The following VWA8 variants were observed in gnomAD, a reference collection of about 807,000 sequenced individuals.
The protein encoded by VWA8 is von Willebrand factor A domain-containing protein 8.
In VWA8, 221 loss-of-function variants were observed where a neutral mutation model predicts 241.5. The observed-to-expected ratio is 0.91, with a 90% CI of 0.82 to 1.02. VWA8 has a LOEUF of 1.02. Among genes scored for constraint, VWA8 ranks in the 50% least tolerant of loss-of-function variants. VWA8 has a pLI of 0.00. For synonymous variants in VWA8, 852 were observed against 827.1 expected, an observed-to-expected ratio of 1.03 and a Z score of -0.52; for missense variants, 2,322 against 2,328.7, an observed-to-expected ratio of 1.00 and a Z score of 0.06.
rs1274895184 is a variant in VWA8 at position 41,778,002 on chromosome 13, A to G, written c.2332T>C (p.Leu778=). The G allele has an allele frequency of 1.9e-6, 3 of 1,611,596 alleles. No individual in the cohort carries two copies. Among genetic ancestry groups the G allele is most frequent in the Non-Finnish European group, 2.5e-6 (3 of 1,179,216 alleles). ...LKDFLLGEHL[L]LVGNQGVGKN... is the part of the protein sequence containing the mutation. ...TAACTCACCTGGTTGCCAACCAATA[A>G]TAAGTGTTCTCCAAGGAGAAAGTCT... Residue 778 remains leucine (L), a synonymous_variant, in exon 20 of 45, where the codon TTA becomes CTA. Coordinates refer to ENST00000379310, the MANE Select transcript of VWA8 (RefSeq NM_015058.2).
intron 16 of VWA8, among the ~76,000 whole-genome samples, chr13:41,812,358 G>A (rs1870508963): frequency 6.6e-6 from 1 of 152,154 alleles, no homozygotes. Flanking sequence ...AGAAGACAGT[G>A]ATTATCACTG....
intron 2 of VWA8, among the ~76,000 whole-genome samples, chr13:41,945,689 T>G (rs555702470): frequency 1.2e-3 from 180 of 152,010 alleles, no homozygotes; most frequent in Admixed American, 3.2e-3. Context: ...TCAGCAAACT[T>G]GAAGATTAGT....
intron 5 of VWA8, 26 bp from the exon 6 acceptor site, chr13:41,887,387 T>C (rs562888356): frequency 1.0e-5 from 16 of 1,598,712 alleles, no homozygotes; most frequent in African/African-American, 6.8e-5. Context: ...ATCCGGAAGC[T>C]ATAGCATAAA....
chr13:41,670,072 A>G (rs1444172101), intron 37 of VWA8, among the ~76,000 whole-genome samples: 1 of 152,126 alleles, frequency 6.6e-6, no homozygotes, highest in African/African-American at 2.4e-5. Context: ...TAATCACATA[A>G]AATAGGAATT....
intron 2 of VWA8, among the ~76,000 whole-genome samples, chr13:41,923,689 A>C (rs1477869553): frequency 6.6e-6 from 1 of 152,082 alleles, no homozygotes; most frequent in African/African-American, 2.4e-5. Flanking sequence ...GAACAGGAGG[A>C]TCCCTGAAGC....
At chr13:41,911,988 T>C (rs761488925) in intron 3 of VWA8, 50 bp downstream of exon 3, 39 of 1,438,672 alleles carry the variant, frequency 2.7e-5, no homozygotes, top group Admixed American at 1.7e-4. Flanking sequence ...TTTTATTTCA[T>C]AGCTTACAAA....
chr13:41,692,863 GCTT>G lies in VWA8; in HGVS notation c.3671_3673del (p.Glu1224del), dbSNP rs1248620099. 11 of 1,606,826 alleles carry G rather than the reference GCTT, an allele frequency of 6.8e-6. No homozygotes were observed. The highest frequency in any genetic ancestry group is 9.4e-6 in the Non-Finnish European group (11 of 1,175,194). On this transcript the variant is annotated inframe_deletion and splice_region_variant, in exon 30 of 45. Coordinates refer to ENST00000379310, the MANE Select transcript of VWA8 (RefSeq NM_015058.2). ...TGGGACAAATGTGGTGTTTCTTACA[GCTT>G]CTTCTTTGTTCCACCAGAAAGGTTT...
chr13:41,600,062 T>A (rs895959014), intron 40 of VWA8, among the ~76,000 whole-genome samples: 1 of 152,168 alleles, frequency 6.6e-6, no homozygotes, highest in African/African-American at 2.4e-5. Flanking sequence ...TGACATTCTG[T>A]TAGCTCTCAT....
At chr13:41,692,763 CA>C in intron 30 of VWA8, 98 bp downstream of exon 30, 6 of 849,948 alleles carry the variant, frequency 7.1e-6, no homozygotes, top group East Asian at 5.4e-5. Context: ...TGCATTACAA[CA>C]AAAAAGGCAC....
At chr13:41,697,251 C>G (rs1226155640) in intron 29 of VWA8, among the ~76,000 whole-genome samples, 6 of 152,132 alleles carry the variant, frequency 3.9e-5, no homozygotes, top group African/African-American at 9.7e-5. Context: ...CTTATGAGCC[C>G]CATCCTCCTC....
At chr13:41,688,805 G>C (rs1175681286) in intron 34 of VWA8, among the ~76,000 whole-genome samples, 1 of 152,044 alleles carries the variant, frequency 6.6e-6, no homozygotes, top group African/African-American at 2.4e-5. Context: ...GGGAACAACA[G>C]ATACTGACAC....
At position 41,833,532 on chromosome 13, in the gene VWA8, C is replaced by G. The variant is rs1871575599; in HGVS notation, c.1426-1G>C. On this transcript the variant is annotated splice_acceptor_variant, in intron 12 of 44. Coordinates refer to ENST00000379310, the MANE Select transcript of VWA8 (RefSeq NM_015058.2). LOFTEE classifies it high-confidence loss of function. ...GTAGCAGATCACGCGCTGTCATATCCTAAAACAAATCCCCACCACCCAACA... is the reference window on the plus strand; with the variant it reads ...GTAGCAGATCACGCGCTGTCATATCGTAAAACAAATCCCCACCACCCAACA... The G allele has an allele frequency of 6.3e-7, 1 of 1,597,994 alleles. No homozygotes were observed. Among genetic ancestry groups the G allele is most frequent in the South Asian group, 1.1e-5 (1 of 88,434 alleles).
chr13:41,602,530 G>A (rs2044528427), intron 40 of VWA8, among the ~76,000 whole-genome samples: 1 of 152,168 alleles, frequency 6.6e-6, no homozygotes, highest in East Asian at 1.9e-4. Flanking sequence ...ATCAAATGTA[G>A]AAAATTATAC....
intron 39 of VWA8, among the ~76,000 whole-genome samples, chr13:41,608,175 C>T (rs950669220): frequency 6.6e-6 from 1 of 152,076 alleles, no homozygotes; most frequent in East Asian, 1.9e-4. Context: ...ACCACTGGTG[C>T]GATCATGTTG....
chr13:41,684,963 T>C, intron 35 of VWA8, 84 bp downstream of exon 35: 1 of 1,202,204 alleles, frequency 8.3e-7, no homozygotes, highest in Non-Finnish European at 1.2e-6. Context: ...TATGAAATGA[T>C]AAAGATAAAT....
Position 41,891,442 on chromosome 13 carries a change from TCA to T in VWA8, c.627_628del (p.Glu210AlafsTer23), listed in dbSNP as rs780842647. 37 of 1,614,062 alleles carry T rather than the reference TCA, an allele frequency of 2.3e-5. No individual in the cohort carries two copies. The highest frequency in any genetic ancestry group is 2.8e-5 in the Non-Finnish European group (33 of 1,180,036). On this transcript the variant is annotated frameshift_variant, in exon 5 of 45. Transcript: ENST00000379310. LOFTEE classifies it high-confidence loss of function. ...TACTCGGAGAAGTTTGTCGTAACGC[TCA>T]GCAGACATCAGGAAGCGTCCATCTT...
intron 26 of VWA8, among the ~76,000 whole-genome samples, chr13:41,718,927 A>C (rs923195641): frequency 1.3e-5 from 2 of 151,928 alleles, no homozygotes; most frequent in African/African-American, 4.8e-5. Context: ...TAAGTTAGGC[A>C]TATTGAAAAC....
intron 12 of VWA8, among the ~76,000 whole-genome samples, chr13:41,838,578 G>A (rs1871848982): frequency 6.6e-6 from 1 of 152,042 alleles, no homozygotes. Flanking sequence ...TTTAAGTTGA[G>A]TTGCAAAAAT....
At chr13:41,685,895 G>A (rs906039159) in intron 34 of VWA8, among the ~76,000 whole-genome samples, 16 of 152,052 alleles carry the variant, frequency 1.1e-4, no homozygotes, top group African/African-American at 2.2e-4. Flanking sequence ...TTTTTACCAC[G>A]TATGTATTTA....
Sources: allele counts gnomAD v4.1 joint callset (sites outside exome capture counted in the v4.1 genomes callset), GRCh38; gene constraint gnomAD v4.1.1; transcripts MANE v1.5; gene names NCBI Gene and HGNC (gene_info 2026-07-23, HGNC 2026-07-21).